Variants in PLEKHG1 observed in about 807,000 individuals in gnomAD.
The protein encoded by PLEKHG1 is pleckstrin homology domain-containing family G member 1.
Under a neutral mutation model 100.8 loss-of-function variants are expected in PLEKHG1, and 44 were observed. That is an observed-to-expected ratio of 0.44 (90% CI 0.34 to 0.56). The LOEUF is 0.56. Among genes scored for constraint, PLEKHG1 ranks in the 20% least tolerant of loss-of-function variants. The pLI is 0.01. For synonymous variants in PLEKHG1, 640 were observed against 662.5 expected, an observed-to-expected ratio of 0.97 and a Z score of 0.52; for missense variants, 1,545 against 1,720.9, an observed-to-expected ratio of 0.90 and a Z score of 1.81.
chr6:150,764,164 C>T (rs1784337177), intron 2 of PLEKHG1, among the ~76,000 whole-genome samples: 1 of 149,178 alleles, frequency 6.7e-6, no homozygotes, highest in Non-Finnish European at 1.5e-5. Flanking sequence ...GTTGCCCAGG[C>T]TGGAGTGCAG....
chr6:150,831,428 G>T lies in PLEKHG1; in HGVS notation c.2317G>T (p.Ala773Ser). The stretch of plus-strand genomic sequence containing the variant: ...GCGGAGCACCTTTTTGGGTCTGGAG[G>T]CCGACTTCGTGTGCTGTGACAGCCT... Residue 773 changes from alanine to serine, a missense_variant, in exon 15 of 16, where the codon GCC becomes TCC. By Grantham distance (99) the Ala-to-Ser change is moderately conservative. Transcript: ENST00000358517. This position sits in a 1 kb window ranked among gnomAD's most constrained non-coding sequence, Gnocchi z 4.1. 1 of 1,614,130 alleles carries T rather than the reference G, an allele frequency of 6.2e-7. No homozygotes were observed. Among genetic ancestry groups the T allele is most frequent in the Non-Finnish European group, 8.5e-7 (1 of 1,180,038 alleles).
chr6:150,748,677 G>A (rs1205690081), intron 2 of PLEKHG1, among the ~76,000 whole-genome samples: 1 of 145,194 alleles, frequency 6.9e-6, no homozygotes, highest in Non-Finnish European at 1.5e-5. Context: ...GGAGTGTGCA[G>A]TGCCACGATC....
intron 4 of PLEKHG1, among the ~76,000 whole-genome samples, chr6:150,787,476 T>G (rs986044498): frequency 6.6e-6 from 1 of 152,216 alleles, no homozygotes; most frequent in African/African-American, 2.4e-5. Flanking sequence ...TTCAACCGCT[T>G]TTGTTTGGAA....
At chr6:150,756,178 G>T (rs979847236) in intron 2 of PLEKHG1, among the ~76,000 whole-genome samples, 2 of 152,080 alleles carry the variant, frequency 1.3e-5, no homozygotes, top group Non-Finnish European at 2.9e-5. Flanking sequence ...TTACCCCCTG[G>T]CCCCATGCTC....
chr6:150,742,342 G>A lies in PLEKHG1; in HGVS notation c.411+8250G>A, dbSNP rs560559189. On this transcript the variant is annotated intron_variant, in intron 2 of 15. Transcript: ENST00000358517. ...AGCACTCGGGGAGGCCGAGGTGGGC[G>A]GATCACGATGTCAGGAGTTCAAGAC... Among the ~76,000 whole-genome samples, 41 of 152,138 alleles carry A rather than the reference G, an allele frequency of 2.7e-4. 1 individual carries two copies. The highest frequency in any genetic ancestry group is 4.9e-4 in the Non-Finnish European group (33 of 67,966).
chr6:150,794,597 G>A (rs1786205432), intron 4 of PLEKHG1, among the ~76,000 whole-genome samples: 1 of 152,114 alleles, frequency 6.6e-6, no homozygotes, highest in Non-Finnish European at 1.5e-5. Context: ...AACCCAGGAG[G>A]CAGAGGTTGC....
At chr6:150,757,995 G>T (rs1562492232) in intron 2 of PLEKHG1, among the ~76,000 whole-genome samples, 1 of 152,094 alleles carries the variant, frequency 6.6e-6, no homozygotes. Flanking sequence ...ACAGCTTCCG[G>T]CTCCATCCAT....
chr6:150,802,664 A>ATTTCTTTT (rs57482989), intron 6 of PLEKHG1, among the ~76,000 whole-genome samples: 1 of 143,410 alleles, frequency 7.0e-6, no homozygotes, highest in African/African-American at 2.6e-5. Flanking sequence ...CATTCACATC[A>ATTTCTTTT]TTTTTTTTTT....
In PLEKHG1 at chr6:150,697,136, A is replaced by G. The variant is rs117686470; in HGVS notation, c.-98-36448A>G. 4.6e-5 allele frequency among the ~76,000 whole-genome samples: 7 copies of G among 152,056 alleles called. No homozygotes were observed. The East Asian group carries it at 1.4e-3, about 29-fold the overall frequency. ...GAAGAAGAAGAAGAAGTACTTTTAA[A>G]TACATGAATGCTTCTGAGCATTTTA... is the stretch of plus-strand genomic sequence containing the variant. On this transcript the variant is annotated intron_variant, in intron 3 of 3. Coordinates refer to the PLEKHG1 transcript ENST00000367326.
At chr6:150,634,161 T>G (rs1469564563) in intron 1 of PLEKHG1, among the ~76,000 whole-genome samples, 1 of 150,784 alleles carries the variant, frequency 6.6e-6, no homozygotes, top group Non-Finnish European at 1.5e-5. Flanking sequence ...GGAGAATCAC[T>G]TGAACCCAGG....
At chr6:150,636,052 G>C (rs1777984812) in intron 1 of PLEKHG1, among the ~76,000 whole-genome samples, 1 of 152,138 alleles carries the variant, frequency 6.6e-6, no homozygotes, top group Non-Finnish European at 1.5e-5. Context: ...TCTTTATGGT[G>C]AGTTACTATT....
intron 5 of PLEKHG1, among the ~76,000 whole-genome samples, chr6:150,800,479 G>C (rs1266096224): frequency 6.6e-6 from 1 of 152,182 alleles, no homozygotes; most frequent in Non-Finnish European, 1.5e-5. Flanking sequence ...TAGAAGGAAG[G>C]AACTTGTTAC....
chr6:150,715,705 G>A (rs1267615592), intron 3 of PLEKHG1, among the ~76,000 whole-genome samples: 2 of 150,596 alleles, frequency 1.3e-5, no homozygotes, highest in Non-Finnish European at 3.0e-5. Context: ...GGCTGGTCTC[G>A]AACTCCTGAC....
intron 3 of PLEKHG1, among the ~76,000 whole-genome samples, chr6:150,681,209 G>A (rs956463237): frequency 6.6e-6 from 1 of 152,136 alleles, no homozygotes; most frequent in Admixed American, 6.5e-5. Context: ...CCTGGGTAGT[G>A]GTTATCACTT....
At chr6:150,782,029 T>C (rs889592138) in intron 3 of PLEKHG1, among the ~76,000 whole-genome samples, 2 of 152,020 alleles carry the variant, frequency 1.3e-5, no homozygotes, top group African/African-American at 2.4e-5. Flanking sequence ...CCACCCGCCT[T>C]GGCCTCCCAA....
chr6:150,667,842 G>A (rs1779455832), intron 3 of PLEKHG1, among the ~76,000 whole-genome samples: 1 of 152,170 alleles, frequency 6.6e-6, no homozygotes, highest in Non-Finnish European at 1.5e-5. Flanking sequence ...GCAGTCACAA[G>A]TAAAAATACT....
intron 3 of PLEKHG1, among the ~76,000 whole-genome samples, chr6:150,708,280 C>A (rs1781105031): frequency 6.6e-6 from 1 of 152,146 alleles, no homozygotes; most frequent in African/African-American, 2.4e-5. Context: ...AACTTCCTCT[C>A]ACCAGAAGAA....
At chr6:150,800,060 G>A (rs4869947) in intron 5 of PLEKHG1, among the ~76,000 whole-genome samples, 38,350 of 152,066 alleles carry the variant, frequency 0.25, 5,028 homozygotes, top group East Asian at 0.39. Context: ...GGCGCACTCC[G>A]TAGGAGCAAG....
At chr6:150,684,087 C>A (rs1206167995) in intron 3 of PLEKHG1, among the ~76,000 whole-genome samples, 1 of 152,314 alleles carries the variant, frequency 6.6e-6, no homozygotes. Flanking sequence ...ACAAAGAAGG[C>A]TGTGGTCCAT....
Sources: gnomAD v4.1 joint callset for allele counts (sites outside exome capture counted in the v4.1 genomes callset) on GRCh38, gnomAD v4.1.1 for gene constraint, Gnocchi (gnomAD v3.1) non-coding constraint, MANE v1.5 for transcripts, NCBI Gene and HGNC (gene_info 2026-07-23, HGNC 2026-07-21) for gene names.